Variants in CENPI observed in about 807,000 individuals in gnomAD.
The protein encoded by CENPI is centromere protein I.
Under a neutral mutation model 60.4 loss-of-function variants are expected in CENPI, and 4 were observed. That is an observed-to-expected ratio of 0.07 (90% CI 0.03 to 0.15). The LOEUF is 0.15. Ranked by LOEUF, CENPI falls within the 10% of genes least tolerant of loss-of-function variation. CENPI has a pLI of 1.00. For missense variants in CENPI, 444 were observed against 534.5 expected (o/e 0.83, Z 1.67); for synonymous variants, 157 against 189.4 (o/e 0.83, Z 1.40).
At chrX:101,167,355 A>G (rs1316446522), downstream of CENPI, among the ~76,000 whole-genome samples, 1 of 111,939 alleles carries the variant, frequency 8.9e-6, no homozygotes, top group Non-Finnish European at 1.9e-5. Flanking sequence ...GACACCTACG[A>G]AACTGAACAA....
intron 15 of CENPI, among the ~76,000 whole-genome samples, chrX:101,136,766 A>G (rs2089852256): frequency 8.9e-6 from 1 of 111,766 alleles, no homozygotes; most frequent in Non-Finnish European, 1.9e-5. Context: ...CATTTTCCAT[A>G]GAGTTGCAAA....
intron 20 of CENPI, among the ~76,000 whole-genome samples, chrX:101,150,472 G>A (rs994055876): frequency 1.8e-5 from 2 of 109,915 alleles, no homozygotes; most frequent in Non-Finnish European, 3.8e-5. Flanking sequence ...GGGGGCTCAA[G>A]TGATCCTCCC....
chrX:101,133,564 G>A (rs2089818523), intron 15 of CENPI, among the ~76,000 whole-genome samples: 1 of 109,321 alleles, frequency 9.1e-6, no homozygotes, highest in African/African-American at 3.3e-5. Context: ...AAGGAAGGAA[G>A]GAAGGGAACA....
chrX:101,115,745 T>A (rs759713848), intron 6 of CENPI, among the ~76,000 whole-genome samples: 7 of 112,036 alleles, frequency 6.2e-5, no homozygotes, highest in Non-Finnish European at 1.1e-4. Flanking sequence ...ATCACCACTA[T>A]CTATTTACAA....
chrX:101,131,910 T>G (rs1330056360), intron 13 of CENPI, among the ~76,000 whole-genome samples: 1 of 112,158 alleles, frequency 8.9e-6, no homozygotes, highest in Non-Finnish European at 1.9e-5. Context: ...AAATCTTATT[T>G]TTTTAAAAAT....
the CENPI span, among the ~76,000 whole-genome samples, chrX:101,179,528 T>C: frequency 3.6e-5 from 4 of 110,179 alleles, no homozygotes; most frequent in South Asian, 3.8e-4. Context: ...TTCTTTCTTT[T>C]TTTTTTTTTT....
At chrX:101,158,816 G>T (rs759529064) in intron 20 of CENPI, among the ~76,000 whole-genome samples, 47 of 110,056 alleles carry the variant, frequency 4.3e-4, no homozygotes, top group Non-Finnish European at 6.8e-4. Context: ...TTTTTAGTAG[G>T]GACGGGGTTT....
downstream of CENPI, among the ~76,000 whole-genome samples, chrX:101,170,881 C>T (rs1602877639): frequency 9.0e-6 from 1 of 111,269 alleles, no homozygotes; most frequent in African/African-American, 3.3e-5. Context: ...ATCTGTGCGC[C>T]TCAGACTCCC....
At chrX:101,145,751 C>T (rs1453677274) in intron 17 of CENPI, among the ~76,000 whole-genome samples, 1 of 109,327 alleles carries the variant, frequency 9.1e-6, no homozygotes, top group African/African-American at 3.3e-5. Flanking sequence ...TCCCAGCTTC[C>T]TCTCTTTACT....
chrX:101,102,459 A>T (rs759674999), intron 4 of CENPI, 48 bp downstream of exon 4: 5 of 909,603 alleles, frequency 5.5e-6, no homozygotes, highest in Non-Finnish European at 7.4e-6. Context: ...CCTAGCACCT[A>T]TATTTTTTTC....
intron 20 of CENPI, among the ~76,000 whole-genome samples, chrX:101,148,950 A>G (rs2089984462): frequency 8.9e-6 from 1 of 112,014 alleles, no homozygotes. Context: ...TGTTGTCCTC[A>G]GAGAGCTTAA....
chrX:101,116,834 C>T (rs1193402213), intron 6 of CENPI, among the ~76,000 whole-genome samples: 1 of 111,844 alleles, frequency 8.9e-6, no homozygotes, highest in Non-Finnish European at 1.9e-5. Flanking sequence ...TCATCACATC[C>T]TCACCAATAC....
chrX:101,123,580 T>A (rs2089702083), intron 8 of CENPI, among the ~76,000 whole-genome samples: 1 of 111,518 alleles, frequency 9.0e-6, no homozygotes, highest in Admixed American at 9.6e-5. Context: ...CTTTTTAAAT[T>A]TAAATTTTAT....
At position 101,105,156 on chromosome X, in the gene CENPI, T is replaced by G. The variant is rs766995972; in HGVS notation, c.364+2745T>G. On this transcript the variant is annotated intron_variant, in intron 4 of 21. Coordinates refer to ENST00000682095, the MANE Select transcript of CENPI (RefSeq NM_001386188.2). ...TTTTAGATTATTTGGTTCTAATATC[T>G]TTCCAGGAATCCATGTTTAACTGAA... Among the ~76,000 whole-genome samples, 7 of 112,153 alleles carry G rather than the reference T, an allele frequency of 6.2e-5. No homozygotes were observed. In the South Asian group the frequency reaches 2.6e-3, roughly 41 times the overall value.
At chrX:101,101,607 C>A (rs1346911961) in intron 3 of CENPI, among the ~76,000 whole-genome samples, 1 of 109,776 alleles carries the variant, frequency 9.1e-6, no homozygotes, top group African/African-American at 3.3e-5. Flanking sequence ...TGTCAGGCAT[C>A]TACTCTTAGA....
At chrX:101,126,374 T>A (rs910189046) in intron 8 of CENPI, among the ~76,000 whole-genome samples, 1 of 112,112 alleles carries the variant, frequency 8.9e-6, no homozygotes, top group Non-Finnish European at 1.9e-5. Context: ...TGAGTAAACT[T>A]TGAGTCCTGA....
chrX:101,175,691 T>G, the CENPI span, among the ~76,000 whole-genome samples: 1 of 111,781 alleles, frequency 8.9e-6, no homozygotes, highest in African/African-American at 3.3e-5. Context: ...TGTACATACT[T>G]ATGGGGTGCA....
intron 20 of CENPI, 96 bp downstream of exon 20, chrX:101,148,257 CGT>C (rs1569503441): frequency 1.4e-6 from 1 of 739,587 alleles, no homozygotes; most frequent in Non-Finnish European, 2.0e-6. Context: ...AATTGTAAGA[CGT>C]GTGTTTAGTA....
At chrX:101,159,946 TAGTC>T (rs2090092128) in intron 20 of CENPI, among the ~76,000 whole-genome samples, 1 of 112,452 alleles carries the variant, frequency 8.9e-6, no homozygotes, top group South Asian at 3.6e-4. Context: ...AAAATGTAAG[TAGTC>T]AGTTGGGGCT....
Sources: allele counts gnomAD v4.1 joint callset (sites outside exome capture counted in the v4.1 genomes callset), GRCh38; gene constraint gnomAD v4.1.1; transcripts MANE v1.5; gene names NCBI Gene and HGNC (gene_info 2026-07-23, HGNC 2026-07-21).